Variants in ZNF385D observed in about 807,000 individuals in gnomAD.
ZNF385D encodes the protein zinc finger protein 385D.
Under a neutral mutation model 35.8 loss-of-function variants are expected in ZNF385D, and 15 were observed. The observed-to-expected ratio is 0.42, with a 90% CI of 0.28 to 0.64. The LOEUF is 0.64. Among genes scored for constraint, ZNF385D ranks in the 30% least tolerant of loss-of-function variants. ZNF385D has a pLI of 0.23. For missense variants in ZNF385D, 474 were observed against 494.6 expected (o/e 0.96, Z 0.39); for synonymous variants, 212 against 186.8 (o/e 1.13, Z -1.10).
chr3:22,197,767 T>C (rs1696519303), intron 2 of ZNF385D, among the ~76,000 whole-genome samples: 2 of 152,116 alleles, frequency 1.3e-5, no homozygotes, highest in Admixed American at 6.6e-5. Flanking sequence ...CCCTGCATGG[T>C]TTAGGATAAG....
chr3:21,883,054 T>A (rs576133422), intron 3 of ZNF385D, among the ~76,000 whole-genome samples: 1 of 152,082 alleles, frequency 6.6e-6, no homozygotes, highest in African/African-American at 2.4e-5. Context: ...GGTGACAGAT[T>A]TATGCTTTGT....
chr3:22,139,605 G>A (rs952391749), intron 3 of ZNF385D, among the ~76,000 whole-genome samples: 3 of 151,574 alleles, frequency 2.0e-5, no homozygotes, highest in African/African-American at 7.3e-5. Flanking sequence ...TCACACACTG[G>A]GGCCTGTTGT....
chr3:21,582,332 A>C (rs980205641), intron 2 of ZNF385D, among the ~76,000 whole-genome samples: 2 of 152,232 alleles, frequency 1.3e-5, no homozygotes, highest in African/African-American at 4.8e-5. Context: ...GGAGAAAACT[A>C]AACCAGAGCA....
rs112830843 is a variant in ZNF385D, at chr3:22,124,983, A to T, written c.325+43834T>A. ...GTGCTTGTGGGGTATTATTCAAGAA[A>T]TATTTTCCCAGACCAACATCCTGGA... On this transcript the variant is annotated intron_variant, in intron 3 of 5. Coordinates refer to the ZNF385D transcript ENST00000494108. 2.0e-5 allele frequency among the ~76,000 whole-genome samples: 3 copies of T among 152,232 alleles called. No individual in the cohort carries two copies. In the East Asian group the frequency reaches 5.8e-4, roughly 29 times the overall value.
intron 4 of ZNF385D, among the ~76,000 whole-genome samples, chr3:21,459,072 G>A (rs575523957): frequency 3.3e-5 from 5 of 152,100 alleles, no homozygotes; most frequent in African/African-American, 4.8e-5. Flanking sequence ...GAGGGTAAGA[G>A]GGGAGCACAG....
At chr3:21,517,937 C>T (rs1422947637) in intron 3 of ZNF385D, among the ~76,000 whole-genome samples, 1 of 152,060 alleles carries the variant, frequency 6.6e-6, no homozygotes, top group Admixed American at 6.6e-5. Flanking sequence ...GGGCTTGGGA[C>T]ACTGTTAGAA....
At chr3:21,480,250 C>T (rs1345346981) in intron 4 of ZNF385D, among the ~76,000 whole-genome samples, 1 of 151,648 alleles carries the variant, frequency 6.6e-6, no homozygotes, top group Non-Finnish European at 1.5e-5. Flanking sequence ...TTACAGGCAC[C>T]CACCACCACA....
At chr3:22,226,436 A>G (rs908898225) in intron 2 of ZNF385D, among the ~76,000 whole-genome samples, 19 of 152,198 alleles carry the variant, frequency 1.2e-4, no homozygotes, top group African/African-American at 3.9e-4. Context: ...TGATCCCAAG[A>G]TTATTGTTTC....
At chr3:21,810,996 G>GTATATA (rs557279868) in intron 3 of ZNF385D, among the ~76,000 whole-genome samples, 78 of 133,278 alleles carry the variant, frequency 5.9e-4, no homozygotes, top group Non-Finnish European at 8.4e-4. Flanking sequence ...GTGTGTGTGT[G>GTATATA]TGTATATATA....
chr3:21,750,929 T>G lies in ZNF385D; in HGVS notation c.-13A>C, dbSNP rs759754539. 6.2e-7 allele frequency: 1 copy of G among 1,614,130 alleles called. No homozygotes were observed. The highest frequency in any genetic ancestry group is 1.7e-5 in the Admixed American group (1 of 60,020). ...TTATGTTTCTCATTAATCAGACAGC[T>G]GGAATCCCACCGCGGTGTCTTCAGC... is the stretch of plus-strand genomic sequence containing the variant. On this transcript the variant is annotated 5_prime_UTR_variant, in exon 1 of 8. Transcript: ENST00000281523.
At chr3:21,988,485 G>T (rs1233885050) in intron 3 of ZNF385D, among the ~76,000 whole-genome samples, 1 of 141,068 alleles carries the variant, frequency 7.1e-6, no homozygotes, top group African/African-American at 2.5e-5. Context: ...CTGCTCGGGG[G>T]TCAGGGGTCA....
At chr3:21,864,414 C>G (rs1166533789) in intron 3 of ZNF385D, among the ~76,000 whole-genome samples, 1 of 152,092 alleles carries the variant, frequency 6.6e-6, no homozygotes, top group Non-Finnish European at 1.5e-5. Context: ...TGCCTTGCCT[C>G]TCTTGAATCC....
chr3:22,167,584 C>A (rs1343994106), intron 3 of ZNF385D, among the ~76,000 whole-genome samples: 1 of 152,160 alleles, frequency 6.6e-6, no homozygotes, highest in Non-Finnish European at 1.5e-5. Context: ...GCCCTCTGCC[C>A]TCTAATAAGC....
chr3:21,804,624 C>T (rs557644871), intron 3 of ZNF385D, among the ~76,000 whole-genome samples: 1 of 152,202 alleles, frequency 6.6e-6, no homozygotes, highest in African/African-American at 2.4e-5. Flanking sequence ...ATCCTTCCTT[C>T]TACTTAAGAG....
chr3:21,755,940 G>C (rs1013089852), upstream of ZNF385D, among the ~76,000 whole-genome samples: 4 of 152,192 alleles, frequency 2.6e-5, no homozygotes, highest in African/African-American at 4.8e-5. Flanking sequence ...GAGTAGAGTA[G>C]ATCTTAAAAA....
chr3:21,453,666 A>G (rs992146577), intron 4 of ZNF385D, among the ~76,000 whole-genome samples: 5 of 152,034 alleles, frequency 3.3e-5, no homozygotes, highest in Non-Finnish European at 7.4e-5. Context: ...AACCACTAGG[A>G]TGGCTATAAT....
chr3:22,137,797 A>G (rs1467854109), intron 3 of ZNF385D, among the ~76,000 whole-genome samples: 2 of 152,020 alleles, frequency 1.3e-5, no homozygotes, highest in Non-Finnish European at 2.9e-5. Context: ...CCTATTCAAT[A>G]TAGTGTTGGA....
rs116383987 is a variant in ZNF385D at position 22,314,774 on chromosome 3, C to T, written c.106+57676G>A. 4.9e-3 allele frequency among the ~76,000 whole-genome samples: 741 copies of T among 152,212 alleles called. 2 individuals carry two copies. The highest frequency in any genetic ancestry group is 0.017 in the African/African-American group (706 of 41,538). On this transcript the variant is annotated intron_variant, in intron 2 of 5. Transcript: ENST00000494108. ...ACCTAGAGCAGAGTGGCTTTAATTG[C>T]ATTTTATCTTTATACCAAACATCCT...
intron 3 of ZNF385D, among the ~76,000 whole-genome samples, chr3:21,940,942 A>G (rs1362292332): frequency 6.6e-6 from 1 of 152,200 alleles, no homozygotes. Flanking sequence ...GTACTTTTAC[A>G]TAATTCATGT....
Sources: gnomAD v4.1 joint callset for allele counts (sites outside exome capture counted in the v4.1 genomes callset) on GRCh38, gnomAD v4.1.1 for gene constraint, MANE v1.5 for transcripts, NCBI Gene and HGNC (gene_info 2026-07-23, HGNC 2026-07-21) for gene names.